The following ZMAT3 variants were observed in gnomAD, a reference collection of about 807,000 sequenced individuals.
ZMAT3 encodes the protein zinc finger matrin-type protein 3.
ZMAT3 carries 17 observed loss-of-function variants against 32.3 expected under a neutral mutation model. The observed-to-expected ratio is 0.53, with a 90% CI of 0.36 to 0.79. ZMAT3 has a LOEUF of 0.79. Ranked by LOEUF, ZMAT3 falls within the 30% of genes least tolerant of loss-of-function variation. The pLI is 0.00. For missense variants in ZMAT3, 329 were observed against 359.7 expected, an observed-to-expected ratio of 0.91 and a Z score of 0.69; for synonymous variants, 120 against 133.1, an observed-to-expected ratio of 0.90 and a Z score of 0.68.
chr3:179,061,688 T>C (rs1443345216), intron 2 of ZMAT3, among the ~76,000 whole-genome samples: 1 of 152,188 alleles, frequency 6.6e-6, no homozygotes, highest in East Asian at 1.9e-4. Context: ...GAGCAACTGG[T>C]GGCATTCAGG....
rs112502974 is a variant in ZMAT3, at chr3:179,051,761, T to C, written c.270+15722A>G. On this transcript the variant is annotated intron_variant, in intron 2 of 5. Transcript: ENST00000311417. ...AAGAACAAATCTAGAGGTCTTACAT[T>C]ACCTGACTTCAAACTATAGCATACG... Among the ~76,000 whole-genome samples, 41 of 152,328 alleles carry C rather than the reference T, an allele frequency of 2.7e-4. 1 individual carries two copies. The highest frequency in any genetic ancestry group is 9.6e-4 in the African/African-American group (40 of 41,574).
rs369109619 is a variant in ZMAT3 at position 179,056,213 on chromosome 3, A to G, written c.270+11270T>C. ...GCTGCAGACATTAGAAAAAACTTCAAAAGTCTGCCTTAGGCCCGGAGCAGA... is the reference window on the plus strand; with the variant it reads ...GCTGCAGACATTAGAAAAAACTTCAGAAGTCTGCCTTAGGCCCGGAGCAGA... On this transcript the variant is annotated intron_variant, in intron 2 of 5. Transcript: ENST00000311417. 2.0e-5 allele frequency among the ~76,000 whole-genome samples: 3 copies of G among 152,230 alleles called. No individual in the cohort carries two copies. In the East Asian group the frequency reaches 5.8e-4, roughly 29 times the overall value.
intron 2 of ZMAT3, among the ~76,000 whole-genome samples, chr3:179,043,988 C>G (rs992748794): frequency 2.0e-5 from 3 of 152,230 alleles, no homozygotes; most frequent in African/African-American, 7.2e-5. Context: ...TGCTCATCAT[C>G]ATTCGTCGTC....
chr3:179,029,497 T>C (rs933836267), intron 3 of ZMAT3, among the ~76,000 whole-genome samples: 2 of 152,152 alleles, frequency 1.3e-5, no homozygotes, highest in Non-Finnish European at 2.9e-5. Context: ...ATAGTCTCGC[T>C]CTGTCACCCA....
intron 2 of ZMAT3, among the ~76,000 whole-genome samples, chr3:179,055,974 C>G (rs978399705): frequency 8.5e-5 from 13 of 152,138 alleles, no homozygotes; most frequent in Non-Finnish European, 1.5e-4. Context: ...ATTGGTGCCA[C>G]AAACATTTGC....
chr3:179,032,717 G>A (rs1195768398), intron 2 of ZMAT3, among the ~76,000 whole-genome samples: 2 of 143,938 alleles, frequency 1.4e-5, no homozygotes, highest in African/African-American at 2.6e-5. Context: ...GGTGAGGAGC[G>A]TCTCTGACCA....
intron 2 of ZMAT3, 78 bp from the exon 3 acceptor site, chr3:179,031,077 T>C: frequency 7.6e-7 from 1 of 1,321,648 alleles, no homozygotes; most frequent in African/African-American, 1.5e-5. Flanking sequence ...TATGGTCAAC[T>C]GTGGTCCAAA....
intron 5 of ZMAT3, among the ~76,000 whole-genome samples, chr3:179,025,671 A>C (rs1718828500): frequency 6.6e-6 from 1 of 152,202 alleles, no homozygotes; most frequent in Non-Finnish European, 1.5e-5. Context: ...ATAAAAGCAA[A>C]AATTTAGGGG....
rs140806594 is a variant in ZMAT3 at position 179,067,804 on chromosome 3, T to G, written c.-52A>C. ...CAGTGGGTGATGAGAAGCAAGGTCT[T>G]CAAATCTGAATCAACAGCAAAAAAA... On this transcript the variant is annotated 5_prime_UTR_variant, in exon 2 of 6. Coordinates refer to ENST00000311417, the MANE Select transcript of ZMAT3 (RefSeq NM_022470.4). 30 of 1,579,690 alleles carry G rather than the reference T, an allele frequency of 1.9e-5. No homozygotes were observed. The East Asian group carries it at 6.3e-4, about 33-fold the overall frequency.
At chr3:179,053,267 TAG>T (rs1387687061) in intron 2 of ZMAT3, among the ~76,000 whole-genome samples, 1 of 150,438 alleles carries the variant, frequency 6.6e-6, no homozygotes, top group Non-Finnish European at 1.5e-5. Flanking sequence ...ATATTCTATA[TAG>T]AGATAATTTA....
At chr3:179,049,534 AC>A (rs2108567816) in intron 2 of ZMAT3, among the ~76,000 whole-genome samples, 1 of 152,364 alleles carries the variant, frequency 6.6e-6, no homozygotes, top group Admixed American at 6.5e-5. Flanking sequence ...CCATGCGAAT[AC>A]ATGGAAATTA....
intron 2 of ZMAT3, 125 bp from the exon 3 acceptor site, chr3:179,031,124 A>T (rs1292160491): frequency 1.3e-6 from 1 of 753,818 alleles, no homozygotes; most frequent in Non-Finnish European, 2.0e-6. Flanking sequence ...CCACATTCAC[A>T]TAATTTCCAT....
chr3:179,055,168 CT>C (rs1174346195), intron 2 of ZMAT3, among the ~76,000 whole-genome samples: 1 of 152,134 alleles, frequency 6.6e-6, no homozygotes, highest in Non-Finnish European at 1.5e-5. Flanking sequence ...AAAAACGCCC[CT>C]AAGATGTATT....
In ZMAT3 at chr3:179,023,061, A is replaced by G. The variant is rs1469127756; in HGVS notation, c.*1956T>C. 6.6e-6 allele frequency: 1 copy of G among 152,212 alleles called. No individual in the cohort carries two copies. Among genetic ancestry groups the G allele is most frequent in the Non-Finnish European group, 1.5e-5 (1 of 68,042 alleles). The allele number at this position is 152,212 out of a possible 1,614,324, so 9.4% of individuals were successfully genotyped here. On this transcript the variant is annotated 3_prime_UTR_variant, in exon 6 of 6. Coordinates refer to ENST00000311417, the MANE Select transcript of ZMAT3 (RefSeq NM_022470.4). ...TGGGCTTTCAAAAGAAATACGGATG[A>G]CCACTGGTCTTACCCATATAAAATA...
In ZMAT3 at chr3:179,018,104, T is replaced by A. The variant is rs1718365713; in HGVS notation, c.*6913A>T. 1 of 152,126 alleles carries A rather than the reference T, an allele frequency of 6.6e-6. No individual in the cohort carries two copies. Among genetic ancestry groups the A allele is most frequent in the Non-Finnish European group, 1.5e-5 (1 of 68,004 alleles). 9.4% of individuals were successfully genotyped at this position (152,126 alleles called of 1,614,324 possible). A position where few individuals can be genotyped will look rare whatever the true frequency, so the allele number is the denominator to read the frequency against. On this transcript the variant is annotated 3_prime_UTR_variant, in exon 6 of 6. Transcript: ENST00000311417. ...AGTTTTGTTCCTATACATGCCATAT[T>A]TGCAGAGTAGAAACAAACTGCCCTA...
intron 2 of ZMAT3, among the ~76,000 whole-genome samples, chr3:179,059,014 AG>A (rs1441663870): frequency 6.6e-6 from 1 of 152,172 alleles, no homozygotes; most frequent in Non-Finnish European, 1.5e-5. Context: ...CTAACTTCCA[AG>A]GGAACACCTA....
chr3:179,033,752 T>C (rs1719428700), intron 2 of ZMAT3, among the ~76,000 whole-genome samples: 1 of 152,210 alleles, frequency 6.6e-6, no homozygotes, highest in Non-Finnish European at 1.5e-5. Flanking sequence ...ACAAAGGATG[T>C]TCATTGCATT....
chr3:179,048,142 C>G (rs535548156), intron 2 of ZMAT3, among the ~76,000 whole-genome samples: 3 of 152,124 alleles, frequency 2.0e-5, no homozygotes, highest in African/African-American at 7.2e-5. Context: ...ATGAACAAAG[C>G]CTCGAAGAAG....
At chr3:179,045,845 A>T (rs1720207436) in intron 2 of ZMAT3, among the ~76,000 whole-genome samples, 2 of 152,244 alleles carry the variant, frequency 1.3e-5, no homozygotes, top group Admixed American at 1.3e-4. Flanking sequence ...TAACCAAAAA[A>T]GGGAGTAGTT....
Sources: allele counts gnomAD v4.1 joint callset (sites outside exome capture counted in the v4.1 genomes callset), GRCh38; gene constraint gnomAD v4.1.1; transcripts MANE v1.5; gene names NCBI Gene and HGNC (gene_info 2026-07-23, HGNC 2026-07-21).